The following HDAC5 variants were observed in gnomAD, a reference collection of about 807,000 sequenced individuals.
HDAC5 encodes the protein histone deacetylase 5.
HDAC5 carries 25 observed loss-of-function variants against 133.3 expected under a neutral mutation model. The observed-to-expected ratio is 0.19, with a 90% CI of 0.14 to 0.26. HDAC5 has a LOEUF of 0.26. HDAC5 is among the 10% of genes least tolerant of loss of function. The probability of loss-of-function intolerance (pLI) is 1.00; values close to 1 mark genes in which losing one functional copy is unlikely to be tolerated. For missense variants in HDAC5, 1,041 were observed against 1,460.5 expected, an observed-to-expected ratio of 0.71 and a Z score of 4.68; for synonymous variants, 589 against 610.8, an observed-to-expected ratio of 0.96 and a Z score of 0.53.
In HDAC5 at chr17:44,092,253, G is replaced by A. The variant is rs556553049; in HGVS notation, c.951C>T (p.Ser317=). 1.3e-5 allele frequency: 21 copies of A among 1,614,046 alleles called. No individual in the cohort carries two copies. Among genetic ancestry groups the A allele is most frequent in the East Asian group, 2.2e-5 (1 of 44,868 alleles). ...GGGAGCTGTTGGGAGAGCTGGGGCC[G>A]GAGCCGGGTGCGCTGTTACACACGG... ...ASSVCNSAPG[S]GPSSPNSSHS... Residue 317 remains serine, a synonymous_variant, in exon 9 of 27, where the codon TCC becomes TCT. Transcript: ENST00000682912.
intron 3 of HDAC5, among the ~76,000 whole-genome samples, chr17:44,109,151 C>T (rs905420614): frequency 6.6e-6 from 1 of 152,212 alleles, no homozygotes; most frequent in Non-Finnish European, 1.5e-5. Flanking sequence ...TAGCAAGGAA[C>T]AGAGGCGACA....
chr17:44,085,466 C>T (rs1244277102), intron 14 of HDAC5: 10 of 227,508 alleles, frequency 4.4e-5, no homozygotes, highest in African/African-American at 1.4e-4. Flanking sequence ...CCCACCTCAG[C>T]GTTCTGAGTA....
intron 19 of HDAC5, 45 bp downstream of exon 19, chr17:44,082,720 G>A: frequency 1.2e-6 from 2 of 1,610,012 alleles, no homozygotes; most frequent in Non-Finnish European, 1.7e-6. Context: ...CATGACGTTT[G>A]CAAGAGACAG....
intron 3 of HDAC5, among the ~76,000 whole-genome samples, chr17:44,103,601 T>TG (rs1267876301): frequency 6.6e-6 from 1 of 152,074 alleles, no homozygotes; most frequent in Non-Finnish European, 1.5e-5. Flanking sequence ...CCTGGGAAGA[T>TG]CAAGAGGTGC....
intron 2 of HDAC5, chr17:44,111,274 G>C (rs2052326908): frequency 3.3e-6 from 1 of 302,972 alleles, no homozygotes; most frequent in Non-Finnish European, 6.6e-6. Context: ...ATAGCAGTTG[G>C]GGGAGGGCCC....
chr17:44,107,406 G>A (rs1488860467), intron 3 of HDAC5, among the ~76,000 whole-genome samples: 2 of 152,062 alleles, frequency 1.3e-5, no homozygotes, highest in African/African-American at 4.8e-5. Flanking sequence ...TCAGGAGTTC[G>A]AGACCAGCTT....
intron 3 of HDAC5, among the ~76,000 whole-genome samples, chr17:44,101,630 ATC>A (rs549721092): frequency 7.9e-5 from 12 of 152,306 alleles, no homozygotes; most frequent in Middle Eastern, 3.4e-3. Flanking sequence ...CTTGGAGGTC[ATC>A]TGTTTCAATA....
At chr17:44,108,706 G>A (rs1481552959) in intron 3 of HDAC5, among the ~76,000 whole-genome samples, 2 of 139,150 alleles carry the variant, frequency 1.4e-5, no homozygotes, top group African/African-American at 5.3e-5. Context: ...TTAACCCAAA[G>A]GTTAAAGTGT....
In HDAC5 at chr17:44,110,788, C is replaced by G; in HGVS notation, c.35G>C (p.Gly12Ala). 1.2e-6 allele frequency: 2 copies of G among 1,613,774 alleles called. No homozygotes were observed. The highest frequency in any genetic ancestry group is 1.7e-6 in the Non-Finnish European group (2 of 1,179,820). Residue 12 changes from glycine to alanine, a missense_variant, in exon 3 of 27, where the codon GGT (glycine) becomes GCT (alanine). Transcript: ENST00000682912. ...NSPNESDGMS[G>A]REPSLEILPR... ...CAGGATTTCCAAGGATGGTTCCCGA[C>G]CTGACATCCCATCTGCTGAGAAACA...
chr17:44,114,697 C>A (rs898865203), intron 2 of HDAC5, among the ~76,000 whole-genome samples: 2 of 152,208 alleles, frequency 1.3e-5, no homozygotes, highest in Non-Finnish European at 1.5e-5. Flanking sequence ...GGCCCCTGGG[C>A]AGCTCCTCCA....
rs1473771771 is a variant in HDAC5 at position 44,110,725 on chromosome 17, T to C, written c.94+4A>G. 1.2e-6 allele frequency: 2 copies of C among 1,612,764 alleles called. No homozygotes were observed. The highest frequency in any genetic ancestry group is 1.7e-6 in the Non-Finnish European group (2 of 1,179,196). ...AGGGCAGGCAGGGACATCAAGGCAC[T>C]TACCTGTCACAGGGATGCTGTGCAG... On this transcript the variant is annotated splice_donor_region_variant and intron_variant, in intron 3 of 26. Coordinates refer to ENST00000682912, the MANE Select transcript of HDAC5 (RefSeq NM_005474.5).
intron 3 of HDAC5, among the ~76,000 whole-genome samples, chr17:44,109,785 C>CACGCACACACACAG (rs2052221027): frequency 6.6e-6 from 1 of 152,244 alleles, no homozygotes; most frequent in South Asian, 2.1e-4. Context: ...TCCCCATTCA[C>CACGCACACACACAG]ACGCACACAC....
chr17:44,100,015 T>A (rs1161755298), intron 3 of HDAC5, among the ~76,000 whole-genome samples: 1 of 152,090 alleles, frequency 6.6e-6, no homozygotes, highest in African/African-American at 2.4e-5. Context: ...GGAGATGATG[T>A]AGGTGCTCGT....
At chr17:44,094,158 A>G (rs1315025178) in intron 3 of HDAC5, among the ~76,000 whole-genome samples, 6 of 151,944 alleles carry the variant, frequency 3.9e-5, no homozygotes, top group Admixed American at 3.3e-4. Flanking sequence ...CCCCCTCACT[A>G]CTAAAAATAC....
intron 22 of HDAC5, 30 bp downstream of exon 22, chr17:44,080,371 C>CAGGGCCCAGAGGGGCTCCCAT: frequency 6.2e-7 from 1 of 1,605,694 alleles, no homozygotes; most frequent in Non-Finnish European, 8.5e-7. Flanking sequence ...GGGGCTCCCA[C>CAGGGCCCAGAGGGGCTCCCAT]TGACTACCAT....
rs922568693 is a variant in HDAC5, at chr17:44,086,975, A to C, written c.1885-238T>G. Among the ~76,000 whole-genome samples, 31 of 2,156 alleles carry C rather than the reference A, an allele frequency of 0.014. No individual in the cohort carries two copies. In the East Asian group the frequency reaches 0.22, roughly 15 times the overall value. The allele number at this position is 2,156 out of a possible 152,430, so 1.4% of individuals were successfully genotyped here. On this transcript the variant is annotated intron_variant, in intron 13 of 26. Transcript: ENST00000682912. ...AGTAGCATTGAGGTAAGAGGCTGGG[A>C]GGGGTGGGGGCGGGGGCGGGGTGGG...
At chr17:44,093,256 T>C in intron 5 of HDAC5, 50 bp from the exon 6 acceptor site, 2 of 1,586,748 alleles carry the variant, frequency 1.3e-6, no homozygotes, top group Non-Finnish European at 1.7e-6. Flanking sequence ...AGACCCCCCA[T>C]GGCAGGGGCA....
intron 3 of HDAC5, among the ~76,000 whole-genome samples, chr17:44,105,966 G>T (rs917689161): frequency 5.3e-5 from 8 of 152,182 alleles, no homozygotes; most frequent in South Asian, 4.1e-4. Flanking sequence ...ACCTTTGTTG[G>T]GGGGGCAGGG....
At position 44,088,495 on chromosome 17, in the gene HDAC5, C is replaced by T; in HGVS notation, c.1491G>A (p.Gln497=). The part of the protein sequence containing the change: ...LPRHRPLSRT[Q]SSPLPQSPQA... ...GGGGACTCTGCGGCAGCGGTGAGGA[C>T]TGAGTGCGGCTCAGGGGCCGATGCC... Residue 497 remains glutamine, a synonymous_variant, in exon 12 of 27, where the codon CAG becomes CAA. Transcript: ENST00000682912. 1 of 1,612,722 alleles carries T rather than the reference C, an allele frequency of 6.2e-7. No individual in the cohort carries two copies. Among genetic ancestry groups the T allele is most frequent in the Non-Finnish European group, 8.5e-7 (1 of 1,179,720 alleles).
Sources: gnomAD v4.1 joint callset for allele counts (sites outside exome capture counted in the v4.1 genomes callset) on GRCh38, gnomAD v4.1.1 for gene constraint, MANE v1.5 for transcripts, NCBI Gene and HGNC (gene_info 2026-07-23, HGNC 2026-07-21) for gene names.